The following MYO16 variants were observed in gnomAD, a reference collection of about 807,000 sequenced individuals.
MYO16 encodes the protein unconventional myosin-XVI.
MYO16 carries 94 observed loss-of-function variants against 205.3 expected under a neutral mutation model. The observed-to-expected ratio is 0.46, with a 90% CI of 0.39 to 0.54. The LOEUF (loss-of-function observed/expected upper bound fraction) is 0.54. Ranked by LOEUF, MYO16 falls within the 20% of genes least tolerant of loss-of-function variation. The probability of loss-of-function intolerance (pLI) is 0.00; values close to 1 mark genes in which losing one functional copy is unlikely to be tolerated. For missense variants in MYO16, 2,315 were observed against 2,387.5 expected, an observed-to-expected ratio of 0.97 and a Z score of 0.63; for synonymous variants, 988 against 954.0, an observed-to-expected ratio of 1.04 and a Z score of -0.66.
At chr13:108,700,259 G>A (rs1344403475) in intron 2 of MYO16, among the ~76,000 whole-genome samples, 6 of 151,010 alleles carry the variant, frequency 4.0e-5, no homozygotes, top group African/African-American at 1.5e-4. Flanking sequence ...TTGAACCTGG[G>A]AGGCAGAGGT....
chr13:108,621,296 T>C (rs188810678), intron 1 of MYO16, among the ~76,000 whole-genome samples: 1 of 152,278 alleles, frequency 6.6e-6, no homozygotes, highest in Non-Finnish European at 1.5e-5. Context: ...CAACAAAGAC[T>C]TCCAGGGCTG....
chr13:108,982,413 TA>T (rs1282935799), intron 20 of MYO16, among the ~76,000 whole-genome samples: 1 of 151,958 alleles, frequency 6.6e-6, no homozygotes, highest in East Asian at 1.9e-4. Context: ...AAATAAAAAA[TA>T]AAAAAGGAGC....
intron 22 of MYO16, among the ~76,000 whole-genome samples, chr13:109,013,468 T>G (rs536420263): frequency 6.6e-6 from 1 of 152,324 alleles, no homozygotes; most frequent in East Asian, 1.9e-4. Flanking sequence ...TATAATCCTT[T>G]GGGTATATAC....
At chr13:108,667,473 G>A (rs1881792787) in intron 2 of MYO16, among the ~76,000 whole-genome samples, 1 of 152,038 alleles carries the variant, frequency 6.6e-6, no homozygotes, top group Admixed American at 6.6e-5. Context: ...AAGCTGTCTG[G>A]AGCACTCTGA....
rs1455974007 is a variant in MYO16 at position 109,162,837 on chromosome 13, G to T, written c.5165-2064G>T. 6.6e-6 allele frequency among the ~76,000 whole-genome samples: 1 copy of T among 152,116 alleles called. No homozygotes were observed. The highest frequency in any genetic ancestry group is 1.5e-5 in the Non-Finnish European group (1 of 68,020). On this transcript the variant is annotated intron_variant, in intron 32 of 34. Transcript: ENST00000457511. The surrounding 1 kb of genome is among the most constrained non-coding windows in gnomAD (Gnocchi z 4.6). The stretch of plus-strand genomic sequence containing the variant: ...ACAGAACCTGTTTTACTGGCATTCG[G>T]AAGCTTAACAGAAATAAAAAAAAGC...
Position 108,604,509 on chromosome 13 carries a change from A to T in MYO16, c.-39+8270A>T, listed in dbSNP as rs373103582. On this transcript the variant is annotated intron_variant, in intron 1 of 24. Transcript: ENST00000251041. ...TTTATTGCAATGGTGATAGCACAAA[A>T]GAACTAGCAGAATGACCAAACCAAA... 9.8e-5 allele frequency among the ~76,000 whole-genome samples: 15 copies of T among 152,354 alleles called. No homozygotes were observed. In the East Asian group the frequency reaches 2.1e-3, roughly 22 times the overall value.
At chr13:108,521,964 G>A in the MYO16 span, among the ~76,000 whole-genome samples, 3 of 152,108 alleles carry the variant, frequency 2.0e-5, no homozygotes, top group Non-Finnish European at 4.4e-5. Context: ...TGAATTTGTT[G>A]ACTTTGCATT....
intron 4 of MYO16, among the ~76,000 whole-genome samples, chr13:108,750,969 C>G (rs1885218126): frequency 6.6e-6 from 1 of 151,988 alleles, no homozygotes; most frequent in Non-Finnish European, 1.5e-5. Flanking sequence ...TTAGAGTTGA[C>G]AATATCAGTA....
intron 15 of MYO16, among the ~76,000 whole-genome samples, chr13:108,909,668 G>A (rs1258809731): frequency 6.6e-6 from 1 of 151,916 alleles, no homozygotes; most frequent in South Asian, 2.1e-4. Context: ...ACATGGCCGG[G>A]ACTCTCAAAC....
At chr13:108,841,368 A>C (rs1244251365) in intron 9 of MYO16, among the ~76,000 whole-genome samples, 1 of 152,230 alleles carries the variant, frequency 6.6e-6, no homozygotes, top group Admixed American at 6.5e-5. Context: ...ATATGAGAAA[A>C]TAATGTACTT....
chr13:108,780,744 G>T (rs1260391067), intron 4 of MYO16, among the ~76,000 whole-genome samples: 1 of 152,194 alleles, frequency 6.6e-6, no homozygotes, highest in Non-Finnish European at 1.5e-5. Flanking sequence ...AGGCACTATG[G>T]TAGGTGTTGG....
At chr13:109,196,908 C>T (rs754892446) in intron 34 of MYO16, among the ~76,000 whole-genome samples, 8 of 152,162 alleles carry the variant, frequency 5.3e-5, no homozygotes, top group Admixed American at 1.3e-4. Context: ...ATTCACCAAA[C>T]AATTTTGTTT....
the MYO16 span, among the ~76,000 whole-genome samples, chr13:108,528,190 A>C: frequency 6.6e-6 from 1 of 152,224 alleles, no homozygotes; most frequent in Admixed American, 6.5e-5. Context: ...AAAACAGATT[A>C]GCACTTGTAT....
chr13:108,984,958 A>G (rs1276576989), intron 20 of MYO16, among the ~76,000 whole-genome samples: 2 of 152,218 alleles, frequency 1.3e-5, no homozygotes, highest in African/African-American at 4.8e-5. Context: ...ACAGTAAGGA[A>G]AGAAGTCTCT....
At chr13:108,516,427 A>C in the MYO16 span, among the ~76,000 whole-genome samples, 813 of 151,916 alleles carry the variant, frequency 5.4e-3, 5 homozygotes, top group Non-Finnish European at 7.3e-3. Context: ...TGCAGAAATC[A>C]CCCGTCTTCT....
At chr13:108,818,941 A>G (rs1275989043) in intron 7 of MYO16, among the ~76,000 whole-genome samples, 1 of 152,232 alleles carries the variant, frequency 6.6e-6, no homozygotes, top group Non-Finnish European at 1.5e-5. Context: ...GAATTTAACA[A>G]CAAGTAAATG....
At chr13:109,064,559 G>T (rs1887686728) in intron 27 of MYO16, among the ~76,000 whole-genome samples, 1 of 152,146 alleles carries the variant, frequency 6.6e-6, no homozygotes, top group Non-Finnish European at 1.5e-5. Context: ...TTTGAGTGTG[G>T]TTTAGAAGTA....
chr13:108,897,475 G>A (rs1468942568), intron 14 of MYO16, among the ~76,000 whole-genome samples: 1 of 152,192 alleles, frequency 6.6e-6, no homozygotes, highest in African/African-American at 2.4e-5. Flanking sequence ...CTGTGGAAGA[G>A]AATAGTTGGT....
intron 2 of MYO16, among the ~76,000 whole-genome samples, chr13:108,695,787 T>A (rs903869387): frequency 2.0e-5 from 3 of 152,130 alleles, no homozygotes. Flanking sequence ...GTAACTATGA[T>A]TTACCAGAAA....
Sources: allele counts gnomAD v4.1 joint callset (sites outside exome capture counted in the v4.1 genomes callset), GRCh38; gene constraint gnomAD v4.1.1; non-coding constraint Gnocchi (gnomAD v3.1); transcripts MANE v1.5; gene names NCBI Gene and HGNC (gene_info 2026-07-23, HGNC 2026-07-21).